SLC36A2: variants seen among roughly 807,000 people sequenced by gnomAD.
The protein encoded by SLC36A2 is proton-coupled amino acid transporter 2.
SLC36A2 carries 39 observed loss-of-function variants against 42.7 expected under a neutral mutation model. The observed-to-expected ratio is 0.91, with a 90% CI of 0.71 to 1.19. The LOEUF is 1.19. SLC36A2 is among the 50% of genes most tolerant of loss of function. The pLI is 0.00. For synonymous variants in SLC36A2, 237 were observed against 240.8 expected (o/e 0.98, Z 0.15); for missense variants, 590 against 613.7 (o/e 0.96, Z 0.41).
chr5:151,341,609 TA>T (rs1756347400), intron 4 of SLC36A2, among the ~76,000 whole-genome samples: 1 of 152,132 alleles, frequency 6.6e-6, no homozygotes. Flanking sequence ...CCCTGAGAGC[TA>T]AAAGGTGGGA....
intron 4 of SLC36A2, 143 bp from the exon 5 acceptor site, chr5:151,339,287 AT>A: frequency 2.2e-5 from 13 of 596,168 alleles, no homozygotes; most frequent in South Asian, 2.0e-4. Context: ...ACAATCAACA[AT>A]GGGGCAAAGA....
chr5:151,341,124 A>C (rs1756332661), intron 4 of SLC36A2, among the ~76,000 whole-genome samples: 1 of 152,198 alleles, frequency 6.6e-6, no homozygotes, highest in Non-Finnish European at 1.5e-5. Flanking sequence ...TGCTGAGAGG[A>C]AGAACCCATA....
rs1323066884 is a variant in SLC36A2 at position 151,347,362 on chromosome 5, C to A, written c.99G>T (p.Lys33Asn). 5.0e-6 allele frequency: 8 copies of A among 1,614,238 alleles called. No individual in the cohort carries two copies. The highest frequency in any genetic ancestry group is 6.8e-6 in the Non-Finnish European group (8 of 1,180,048). Residue 33 changes from lysine (K) to asparagine (N), a missense_variant, in exon 1 of 10, where the codon AAG becomes AAT. Physicochemically the swap from Lys to Asn is moderately conservative, Grantham distance 94. Transcript: ENST00000335244. ...PPESAKKLEN[K>N]DSTFLDESPS... is the part of the protein sequence containing the mutation. ...GACTTTCATCCAAGAATGTAGAGTCCTTGTTCTCCAACTTCTTGGCACTTT... is the reference window on the plus strand; with the variant it reads ...GACTTTCATCCAAGAATGTAGAGTCATTGTTCTCCAACTTCTTGGCACTTT...
intron 7 of SLC36A2, chr5:151,332,303 C>T (rs896236302): frequency 5.0e-6 from 2 of 402,114 alleles, no homozygotes; most frequent in Admixed American, 3.0e-5. Flanking sequence ...TAAAACTCAA[C>T]AAAAAGACAA....
chr5:151,317,209 T>C, intron 9 of SLC36A2, 121 bp from the exon 10 acceptor site: 1 of 1,322,920 alleles, frequency 7.6e-7, no homozygotes, highest in Non-Finnish European at 1.0e-6. Context: ...CCCAGCACTT[T>C]GGGAGGCCTA....
chr5:151,338,855 AT>A (rs1465040570), intron 5 of SLC36A2: 2 of 477,478 alleles, frequency 4.2e-6, no homozygotes, highest in Non-Finnish European at 8.1e-6. Context: ...CAGGTCTAAG[AT>A]ACCGGATAAA....
chr5:151,332,649 A>G (rs1440410610), intron 7 of SLC36A2: 1 of 250,742 alleles, frequency 4.0e-6, no homozygotes, highest in East Asian at 1.1e-4. Context: ...TATATGTGAC[A>G]TTTTGGAAAA....
At chr5:151,344,128 TC>T in intron 2 of SLC36A2, 48 bp downstream of exon 2, 1 of 1,556,186 alleles carries the variant, frequency 6.4e-7, no homozygotes, top group Non-Finnish European at 8.8e-7. Context: ...TCCTCTTACT[TC>T]CCTTCTGCAA....
At chr5:151,339,971 A>G (rs552416122) in intron 4 of SLC36A2, among the ~76,000 whole-genome samples, 1 of 152,290 alleles carries the variant, frequency 6.6e-6, no homozygotes, top group South Asian at 2.1e-4. Flanking sequence ...GCAGACAGAA[A>G]GCCTTGTTAG....
Position 151,325,422 on chromosome 5 carries a change from C to T in SLC36A2, c.874G>A (p.Ala292Thr), listed in dbSNP as rs1303834970. The T allele has an allele frequency of 5.0e-6, 8 of 1,613,742 alleles. No homozygotes were observed. The highest frequency in any genetic ancestry group is 6.8e-6 in the Non-Finnish European group (8 of 1,179,922). ...VLPLENKMKN[A>T]RHFPAILSLG... Reference sequence around the variant, plus strand: ...GACAGGATGGCTGGGAAGTGGCGGGCATTCTTCATCTTGTTTTCCAGAGGC... The same window carrying T: ...GACAGGATGGCTGGGAAGTGGCGGGTATTCTTCATCTTGTTTTCCAGAGGC... Residue 292 changes from alanine to threonine, a missense_variant, in exon 8 of 10, where the codon GCC becomes ACC. Physicochemically the swap from Ala to Thr is moderately conservative, Grantham distance 58 (BLOSUM62 0). Transcript: ENST00000335244.
chr5:151,341,345 C>G (rs1016548934), intron 4 of SLC36A2, among the ~76,000 whole-genome samples: 3 of 152,194 alleles, frequency 2.0e-5, no homozygotes, highest in Admixed American at 2.0e-4. Flanking sequence ...TTGTGGATTA[C>G]TCTTGTGAGT....
intron 9 of SLC36A2, among the ~76,000 whole-genome samples, chr5:151,317,604 A>AT (rs1755541315): frequency 6.6e-6 from 1 of 151,974 alleles, no homozygotes; most frequent in Non-Finnish European, 1.5e-5. Context: ...ATAGTGGCAC[A>AT]TTTCTGTAGC....
At chr5:151,340,160 AAGAAGAGGAAGGAGGAG>A (rs1358913766) in intron 4 of SLC36A2, among the ~76,000 whole-genome samples, 10 of 75,708 alleles carry the variant, frequency 1.3e-4, no homozygotes, top group African/African-American at 6.4e-4. Flanking sequence ...AAGGAGGAGG[AAGAAGAGGAAGGAGGAG>A]GAGGAGGAAG....
chr5:151,344,627 T>G (rs908922026), intron 1 of SLC36A2, among the ~76,000 whole-genome samples: 1 of 152,204 alleles, frequency 6.6e-6, no homozygotes, highest in Non-Finnish European at 1.5e-5. Flanking sequence ...GTTAATGACT[T>G]ATCCAGGATA....
intron 5 of SLC36A2, among the ~76,000 whole-genome samples, chr5:151,338,074 T>G (rs1756208509): frequency 6.6e-6 from 1 of 152,172 alleles, no homozygotes; most frequent in Non-Finnish European, 1.5e-5. Flanking sequence ...CAGTACCTGC[T>G]CTAATAAGGT....
Position 151,335,550 on chromosome 5 carries a change from G to A in SLC36A2, c.526-3C>T. 6.2e-7 allele frequency: 1 copy of A among 1,609,450 alleles called. No individual in the cohort carries two copies. The highest frequency in any genetic ancestry group is 8.5e-7 in the Non-Finnish European group (1 of 1,175,806). On this transcript the variant is annotated splice_region_variant and splice_polypyrimidine_tract_variant and intron_variant, in intron 5 of 9. Transcript: ENST00000335244. Reference sequence around the variant, plus strand: ...GTGCTATTAACAGCTTCCACTACCTGAGGAAGGAATGGGAGAGGCAAAAGG... The same window carrying A: ...GTGCTATTAACAGCTTCCACTACCTAAGGAAGGAATGGGAGAGGCAAAAGG...
At position 151,335,332 on chromosome 5, in the gene SLC36A2, G is replaced by A. The variant is rs781265671; in HGVS notation, c.741C>T (p.Thr247=). 1 of 1,611,124 alleles carries A rather than the reference G, an allele frequency of 6.2e-7. No individual in the cohort carries two copies. The highest frequency in any genetic ancestry group is 1.7e-5 in the Admixed American group (1 of 59,626). ...VSLVIIIQYI[T]QEIPDPSRLP... is the part of the protein sequence containing the mutation. ...CAGGTGCATGGTGTGCACTCACCTG[G>A]GTAATGTACTGTATGATGATGACCA... Residue 247 remains threonine (T), a synonymous_variant, in exon 6 of 10, where the codon ACC becomes ACT. Coordinates refer to ENST00000335244, the MANE Select transcript of SLC36A2 (RefSeq NM_181776.3).
At chr5:151,335,937 A>G (rs1245544862) in intron 5 of SLC36A2, among the ~76,000 whole-genome samples, 4 of 152,080 alleles carry the variant, frequency 2.6e-5, no homozygotes, top group Admixed American at 6.5e-5. Flanking sequence ...CTGAGGCACA[A>G]GAATCGCTTG....
chr5:151,317,929 A>G (rs1444992350), intron 9 of SLC36A2, among the ~76,000 whole-genome samples: 1 of 152,224 alleles, frequency 6.6e-6, no homozygotes, highest in Non-Finnish European at 1.5e-5. Context: ...ACAGCCAAAG[A>G]TACCCCCTTA....
Sources: allele counts gnomAD v4.1 joint callset (sites outside exome capture counted in the v4.1 genomes callset), GRCh38; gene constraint gnomAD v4.1.1; transcripts MANE v1.5; gene names NCBI Gene and HGNC (gene_info 2026-07-23, HGNC 2026-07-21).